Variants in HERC1 observed in about 807,000 individuals in gnomAD.
HERC1 encodes the protein probable E3 ubiquitin-protein ligase HERC1.
A neutral mutation model predicts 554.3 loss-of-function variants in HERC1; 160 were observed. The ratio of observed to expected loss-of-function variants is 0.29; its 90% confidence interval spans 0.25 to 0.33. The LOEUF (loss-of-function observed/expected upper bound fraction) is 0.33. HERC1 is among the 10% of genes least tolerant of loss of function. The probability of loss-of-function intolerance (pLI) is 1.00; values close to 1 mark genes in which losing one functional copy is unlikely to be tolerated. For synonymous variants in HERC1, 2,175 were observed against 2,131.7 expected (o/e 1.02, Z -0.56); for missense variants, 4,919 against 5,918.5 (o/e 0.83, Z 5.54).
At position 63,775,768 on chromosome 15, in the gene HERC1, T is replaced by G; in HGVS notation, c.-26-119A>C. Reference sequence around the variant, plus strand: ...ACTGGTGAAATGCAGCCGGGTGCGGTGGCTCACGCCTGTAATCCCAACACT... The same window carrying G: ...ACTGGTGAAATGCAGCCGGGTGCGGGGGCTCACGCCTGTAATCCCAACACT... On this transcript the variant is annotated intron_variant, in intron 1 of 77. Transcript: ENST00000443617. The surrounding 1 kb of genome is among the most constrained non-coding windows in gnomAD (Gnocchi z 4.0). 1.4e-6 allele frequency: 1 copy of G among 720,616 alleles called. No homozygotes were observed. The allele number at this position is 720,616 out of a possible 1,614,324, so 44.6% of individuals were successfully genotyped here. A position where few individuals can be genotyped will look rare whatever the true frequency, so the allele number is the denominator to read the frequency against.
Position 63,662,997 on chromosome 15 carries a change from T to G in HERC1, c.8888A>C (p.Asp2963Ala). 1.9e-6 allele frequency: 3 copies of G among 1,613,876 alleles called. No individual in the cohort carries two copies. Among genetic ancestry groups the G allele is most frequent in the Non-Finnish European group, 2.5e-6 (3 of 1,179,782 alleles). ...AGTCACACACACCCAGGTAGGCCAA[T>G]CCAGTACCTCTGGGATCCACATTCC... ...ILGMWIPEVL[D>A]WPTWHVCESE... The change falls in exon 44 of 78, where the codon GAT (aspartate) becomes GCT (alanine). Residue 2963 changes from aspartate to alanine, a missense_variant. This residue lies in a region of HERC1 where 1,963 missense variants were observed against 2,228.6 expected (regional missense o/e 0.88). Coordinates refer to ENST00000443617, the MANE Select transcript of HERC1 (RefSeq NM_003922.4).
rs748836788 is a variant in HERC1 at position 63,723,281 on chromosome 15, G to A, written c.3643C>T (p.Arg1215Trp). ...EEQKPFDYKL[R>W]PEIAVYVDLA... The stretch of plus-strand genomic sequence containing the variant: ...TCTACATAGACAGCAATTTCAGGCC[G>A]CAATTTATAATCAAAAGGCTTCTGT... The change falls in exon 19 of 78, where the codon CGG becomes TGG. Residue 1215 changes from arginine to tryptophan, a missense_variant. Transcript: ENST00000443617. The A allele has an allele frequency of 6.9e-6, 11 of 1,596,510 alleles. No homozygotes were observed. The highest frequency in any genetic ancestry group is 1.3e-5 in the African/African-American group (1 of 74,716).
At chr15:63,621,003 A>AT (rs2068052326) in intron 74 of HERC1, among the ~76,000 whole-genome samples, 1 of 152,120 alleles carries the variant, frequency 6.6e-6, no homozygotes, top group Admixed American at 6.6e-5. Flanking sequence ...ATTTAAGGTT[A>AT]GTATTGTTAT....
In HERC1 at chr15:63,659,823, C is replaced by A; in HGVS notation, c.9337G>T (p.Val3113Phe). ...LNDRRIVPEP[V>F]QFPDSDPLGA... ...AGTGGATCGCTGTCAGGGAACTGAA[C>A]TGGTTCTGGTACAATGCGCCGGTCA... is the stretch of plus-strand genomic sequence containing the variant. The change falls in exon 47 of 78, where the codon GTT becomes TTT. Residue 3113 changes from valine (V) to phenylalanine (F), a missense_variant. Val to Phe is a conservative substitution (Grantham distance 50). This residue lies in a region of HERC1 where 1,963 missense variants were observed against 2,228.6 expected (regional missense o/e 0.88). Transcript: ENST00000443617. 1 of 1,613,910 alleles carries A rather than the reference C, an allele frequency of 6.2e-7. No homozygotes were observed. The highest frequency in any genetic ancestry group is 1.3e-5 in the African/African-American group (1 of 75,026).
intron 39 of HERC1, among the ~76,000 whole-genome samples, chr15:63,670,081 T>C (rs1257614662): frequency 1.3e-5 from 2 of 152,230 alleles, no homozygotes; most frequent in Non-Finnish European, 2.9e-5. Context: ...TAACTTGCAG[T>C]TACTTTTAAA....
intron 48 of HERC1, among the ~76,000 whole-genome samples, chr15:63,657,611 A>C (rs2070118301): frequency 1.3e-5 from 2 of 152,104 alleles, no homozygotes; most frequent in African/African-American, 4.8e-5. Context: ...CACTTTTGCT[A>C]AACAGAGGTT....
chr15:63,669,572 A>C lies in HERC1; in HGVS notation c.8172T>G (p.Pro2724=), dbSNP rs763644028. 7 of 1,613,746 alleles carry C rather than the reference A, an allele frequency of 4.3e-6. No individual in the cohort carries two copies. Among genetic ancestry groups the C allele is most frequent in the Non-Finnish European group, 5.9e-6 (7 of 1,179,742 alleles). Residue 2724 remains proline (P), a synonymous_variant, in exon 40 of 78, where the codon CCT becomes CCG. Coordinates refer to ENST00000443617, the MANE Select transcript of HERC1 (RefSeq NM_003922.4). ...TAGCTGGCCTTGCTGACTGGGAATC[A>C]GGAGAAGTTAAACTTTGCCTCCTTC... ...EVGRRQSLTS[P]DSQSARPANR... is the part of the protein sequence containing the mutation.
intron 37 of HERC1, among the ~76,000 whole-genome samples, chr15:63,676,271 G>A (rs17186380): frequency 0.089 from 13,518 of 152,152 alleles, 687 homozygotes; most frequent in Middle Eastern, 0.14. Flanking sequence ...AGGAAAGGTC[G>A]ACACTTGCAT....
intron 1 of HERC1, among the ~76,000 whole-genome samples, chr15:63,808,884 T>C (rs2077211915): frequency 6.6e-6 from 1 of 152,214 alleles, no homozygotes; most frequent in Non-Finnish European, 1.5e-5. Context: ...TGTTAGCAAC[T>C]ATAAAGGAAA....
intron 17 of HERC1, among the ~76,000 whole-genome samples, chr15:63,726,315 T>C (rs7176437): frequency 0.27 from 41,060 of 152,010 alleles, 6,143 homozygotes; most frequent in Middle Eastern, 0.38. Flanking sequence ...CATTTGTTTT[T>C]AAAAGTTCTT....
At chr15:63,625,823 G>T (rs1044953851) in intron 71 of HERC1, 162 bp downstream of exon 71, 2 of 770,338 alleles carry the variant, frequency 2.6e-6, no homozygotes, top group Non-Finnish European at 4.5e-6. Context: ...CCTCTAGACT[G>T]TCCCTAACAC....
At chr15:63,678,854 T>C (rs1188058578) in intron 36 of HERC1, among the ~76,000 whole-genome samples, 2 of 152,210 alleles carry the variant, frequency 1.3e-5, no homozygotes, top group Non-Finnish European at 2.9e-5. Flanking sequence ...ATCATAACTC[T>C]GTATAATCTT....
intron 1 of HERC1, among the ~76,000 whole-genome samples, chr15:63,797,342 A>C (rs914647521): frequency 1.3e-5 from 2 of 152,200 alleles, no homozygotes; most frequent in Admixed American, 6.5e-5. Flanking sequence ...CATGTGGCCA[A>C]GGGTCACAAT....
intron 71 of HERC1, among the ~76,000 whole-genome samples, chr15:63,624,596 G>C (rs2068220657): frequency 6.6e-6 from 1 of 152,208 alleles, no homozygotes; most frequent in African/African-American, 2.4e-5. Context: ...TCAGGAGGCT[G>C]AGGTGGGTGG....
At chr15:63,743,263 C>CTTTTTTTTTTTT (rs71131177) in intron 12 of HERC1, among the ~76,000 whole-genome samples, 1 of 109,184 alleles carries the variant, frequency 9.2e-6, no homozygotes. Context: ...TTTTCTTTTT[C>CTTTTTTTTTTTT]TTTTTTTTTT....
chr15:63,640,512 G>A (rs947238701), intron 60 of HERC1, 67 bp from the exon 61 acceptor site: 92 of 1,270,408 alleles, frequency 7.2e-5, no homozygotes, highest in Admixed American at 1.7e-4. Context: ...TTAACCTACC[G>A]TAGTCTGAAA....
At chr15:63,752,869 A>C in intron 8 of HERC1, 89 bp downstream of exon 8, 1 of 1,228,940 alleles carries the variant, frequency 8.1e-7, no homozygotes, top group Non-Finnish European at 1.1e-6. Context: ...TATTTATTTG[A>C]ACTTTAAAAT....
chr15:63,752,000 G>T (rs1325837796), intron 8 of HERC1, among the ~76,000 whole-genome samples: 1 of 152,124 alleles, frequency 6.6e-6, no homozygotes, highest in African/African-American at 2.4e-5. Context: ...CTCAAGGGGT[G>T]TCTGTTATTT....
At chr15:63,825,739 G>T (rs756352951) in intron 1 of HERC1, among the ~76,000 whole-genome samples, 10 of 151,582 alleles carry the variant, frequency 6.6e-5, no homozygotes, top group Non-Finnish European at 1.5e-4. Context: ...CAGTTCATTA[G>T]AAAACCACGA....
Sources: gnomAD v4.1 joint callset for allele counts (sites outside exome capture counted in the v4.1 genomes callset) on GRCh38, gnomAD v4.1.1 for gene constraint, gnomAD v4.1.1 regional missense constraint, Gnocchi (gnomAD v3.1) non-coding constraint, MANE v1.5 for transcripts, NCBI Gene and HGNC (gene_info 2026-07-23, HGNC 2026-07-21) for gene names.